RAD54L2: variants seen among roughly 807,000 people sequenced by gnomAD.
RAD54L2 encodes RAD54 like 2, also known as helicase ARIP4.
Under a neutral mutation model 138.4 loss-of-function variants are expected in RAD54L2, and 27 were observed. That is an observed-to-expected ratio of 0.20 (90% CI 0.14 to 0.27). The LOEUF (loss-of-function observed/expected upper bound fraction) is 0.27, where lower values mean the gene tolerates loss of function less well. Among genes scored for constraint, RAD54L2 ranks in the 10% least tolerant of loss-of-function variants. RAD54L2 has a pLI of 1.00. For synonymous variants in RAD54L2, 644 were observed against 723.2 expected (o/e 0.89, Z 1.76); for missense variants, 1,396 against 1,890.2 (o/e 0.74, Z 4.85).
At chr3:51,570,517 C>T (rs1213322722) in intron 2 of RAD54L2, among the ~76,000 whole-genome samples, 1 of 151,784 alleles carries the variant, frequency 6.6e-6, no homozygotes, top group Non-Finnish European at 1.5e-5. Flanking sequence ...AGTGCAGTGG[C>T]GCGATCTCGG....
chr3:51,556,738 G>A lies in RAD54L2; in HGVS notation c.-55+15088G>A, dbSNP rs972051314. 5.3e-5 allele frequency among the ~76,000 whole-genome samples: 8 copies of A among 151,980 alleles called. No individual in the cohort carries two copies. The East Asian group carries it at 9.6e-4, about 18-fold the overall frequency. On this transcript the variant is annotated intron_variant, in intron 2 of 22. Transcript: ENST00000684192. The stretch of plus-strand genomic sequence containing the variant: ...ATTACAGCCATGCGCCACCATGCCC[G>A]GCTAATTTTGTATTTTTAGTATAGA...
chr3:51,628,490 A>G (rs1700746789), intron 4 of RAD54L2, among the ~76,000 whole-genome samples: 1 of 151,870 alleles, frequency 6.6e-6, no homozygotes, highest in Admixed American at 6.6e-5. Flanking sequence ...CCCGTGTTCT[A>G]GCGGTTCTTG....
intron 3 of RAD54L2, 36 bp downstream of exon 3, chr3:51,590,595 A>T (rs747017029): frequency 6.4e-7 from 1 of 1,552,278 alleles, no homozygotes; most frequent in South Asian, 1.2e-5. Context: ...AAGTTGCCTT[A>T]TATTTTCCTC....
chr3:51,630,410 C>T (rs1282720000), intron 6 of RAD54L2, 22 bp downstream of exon 6: 2 of 1,587,734 alleles, frequency 1.3e-6, no homozygotes, highest in Non-Finnish European at 1.7e-6. Flanking sequence ...CCAGGTGCCT[C>T]CCTTTCTTCC....
intron 2 of RAD54L2, among the ~76,000 whole-genome samples, chr3:51,553,765 G>C (rs1698899808): frequency 6.6e-6 from 1 of 152,142 alleles, no homozygotes. Context: ...CCAGGAGTTC[G>C]AGTCAGCAGT....
chr3:51,598,523 G>C (rs902793482), intron 3 of RAD54L2, among the ~76,000 whole-genome samples: 3 of 152,086 alleles, frequency 2.0e-5, no homozygotes, highest in South Asian at 4.1e-4. Context: ...GGGAGGCTGA[G>C]GAGGGAGGAT....
intron 2 of RAD54L2, among the ~76,000 whole-genome samples, chr3:51,585,393 G>A (rs574607256): frequency 3.9e-5 from 6 of 152,246 alleles, no homozygotes; most frequent in African/African-American, 9.6e-5. Context: ...ATGAGGCAGC[G>A]TGTGTGCTCG....
Position 51,668,088 on chromosome 3 carries a change from T to A in RAD54L2, c.*4668T>A, listed in dbSNP as rs1419783741. ...AGCTGTGTGTGTGTGTGTGTGTGAGTGTGTGTGTGTGTGTTTGTGTGCTGT... is the reference window on the plus strand; with the variant it reads ...AGCTGTGTGTGTGTGTGTGTGTGAGAGTGTGTGTGTGTGTTTGTGTGCTGT... On this transcript the variant is annotated 3_prime_UTR_variant, in exon 23 of 23. Coordinates refer to ENST00000684192, the MANE Select transcript of RAD54L2 (RefSeq NM_015106.4). 4 of 150,344 alleles carry A rather than the reference T, an allele frequency of 2.7e-5. No homozygotes were observed. Among genetic ancestry groups the A allele is most frequent in the Non-Finnish European group, 4.4e-5 (3 of 67,488 alleles). 9.3% of individuals were successfully genotyped at this position (150,344 alleles called of 1,614,324 possible). A position where few individuals can be genotyped will look rare whatever the true frequency, so the allele number is the denominator to read the frequency against.
At chr3:51,622,307 G>A (rs553380949) in intron 3 of RAD54L2, among the ~76,000 whole-genome samples, 114 of 152,092 alleles carry the variant, frequency 7.5e-4, no homozygotes, top group Non-Finnish European at 1.4e-3. Context: ...GCTCACACAC[G>A]CAGTACATTC....
At chr3:51,597,756 A>T (rs1033911259) in intron 3 of RAD54L2, among the ~76,000 whole-genome samples, 1 of 152,046 alleles carries the variant, frequency 6.6e-6, no homozygotes, top group Non-Finnish European at 1.5e-5. Context: ...TGAACTCGTG[A>T]GGCAGTGGTT....
rs758706295 is a variant in RAD54L2, at chr3:51,662,829, G to A, written c.3813G>A (p.Arg1271=). ...CTGCCCAGGAGTCATCCCGCCGGCGGTCCAGGAAGGGTCATCTGCCAGCCC... is the reference window on the plus strand; with the variant it reads ...CTGCCCAGGAGTCATCCCGCCGGCGATCCAGGAAGGGTCATCTGCCAGCCC... ...PPAAQESSRR[R]SRKGHLPAPV... Residue 1271 remains arginine, a synonymous_variant, in exon 23 of 23, where the codon CGG becomes CGA. Transcript: ENST00000684192. This position sits in a 1 kb window ranked among gnomAD's most constrained non-coding sequence, Gnocchi z 4.6. The A allele has an allele frequency of 2.5e-6, 4 of 1,612,444 alleles. No homozygotes were observed. The African/African-American group carries it at 4.0e-5, about 16-fold the overall frequency.
chr3:51,574,089 T>C (rs1405738859), intron 2 of RAD54L2, among the ~76,000 whole-genome samples: 6 of 144,778 alleles, frequency 4.1e-5, no homozygotes, highest in African/African-American at 1.5e-4. Context: ...AGCGAGAACA[T>C]GCGGTGTTTG....
Position 51,570,706 on chromosome 3 carries a change from C to T in RAD54L2, c.-54-19661C>T, listed in dbSNP as rs529067963. ...TCTTGACCTTGTGATCCGCCTGCCTCGGCCTCCCAAAGTGCTGGGATTACA... is the reference window on the plus strand; with the variant it reads ...TCTTGACCTTGTGATCCGCCTGCCTTGGCCTCCCAAAGTGCTGGGATTACA... On this transcript the variant is annotated intron_variant, in intron 2 of 22. Transcript: ENST00000684192. 1.1e-4 allele frequency among the ~76,000 whole-genome samples: 17 copies of T among 152,140 alleles called. No homozygotes were observed. The East Asian group carries it at 2.3e-3, about 21-fold the overall frequency.
chr3:51,599,004 G>C (rs1700028245), intron 3 of RAD54L2, among the ~76,000 whole-genome samples: 4 of 152,162 alleles, frequency 2.6e-5, no homozygotes, highest in Admixed American at 2.6e-4. Flanking sequence ...CCAACATGAA[G>C]CCTATCAACT....
intron 3 of RAD54L2, among the ~76,000 whole-genome samples, chr3:51,612,064 C>G (rs1577424606): frequency 6.6e-6 from 1 of 152,248 alleles, no homozygotes; most frequent in Non-Finnish European, 1.5e-5. Flanking sequence ...TTATGTTTGG[C>G]TTTGGTATAA....
At chr3:51,635,833 A>G in intron 10 of RAD54L2, 44 bp downstream of exon 10, 2 of 1,526,538 alleles carry the variant, frequency 1.3e-6, no homozygotes, top group Non-Finnish European at 1.8e-6. Context: ...TGTTTCAGGA[A>G]AAAAGAAATC....
intron 2 of RAD54L2, among the ~76,000 whole-genome samples, chr3:51,552,030 G>C (rs891215478): frequency 1.3e-5 from 2 of 152,112 alleles, no homozygotes; most frequent in South Asian, 4.1e-4. Flanking sequence ...GATTATAGGC[G>C]TGAGCCACCA....
intron 2 of RAD54L2, among the ~76,000 whole-genome samples, chr3:51,559,259 A>G (rs1478852253): frequency 4.6e-5 from 7 of 152,170 alleles, no homozygotes; most frequent in African/African-American, 1.2e-4. Context: ...CTCCACTGAT[A>G]TTCTCCCCAG....
intron 2 of RAD54L2, among the ~76,000 whole-genome samples, chr3:51,543,127 C>T (rs541992547): frequency 9.2e-4 from 139 of 151,524 alleles, no homozygotes; most frequent in African/African-American, 3.2e-3. Flanking sequence ...TTTTGATGAA[C>T]AGACTTAGTT....
Sources: gnomAD v4.1 joint callset for allele counts (sites outside exome capture counted in the v4.1 genomes callset) on GRCh38, gnomAD v4.1.1 for gene constraint, Gnocchi (gnomAD v3.1) non-coding constraint, MANE v1.5 for transcripts, NCBI Gene and HGNC (gene_info 2026-07-23, HGNC 2026-07-21) for gene names.